The following NSMCE2 variants were observed in gnomAD, a reference collection of about 807,000 sequenced individuals.
The protein encoded by NSMCE2 is E3 SUMO-protein ligase NSE2.
In NSMCE2, 24 loss-of-function variants were observed where a neutral mutation model predicts 23.8. The observed-to-expected ratio is 1.01, with a 90% CI of 0.73 to 1.42. The LOEUF is 1.42. Ranked by LOEUF, NSMCE2 falls within the 40% of genes most tolerant of loss-of-function variation. The pLI is 0.00. For synonymous variants in NSMCE2, 92 were observed against 94.1 expected, an observed-to-expected ratio of 0.98 and a Z score of 0.13; for missense variants, 284 against 296.5, an observed-to-expected ratio of 0.96 and a Z score of 0.31.
intron 5 of NSMCE2, among the ~76,000 whole-genome samples, chr8:125,286,218 C>T (rs955359951): frequency 2.6e-5 from 4 of 152,276 alleles, no homozygotes; most frequent in Non-Finnish European, 4.4e-5. Context: ...GTTGATATGT[C>T]TTTACAGAGA....
chr8:125,273,537 G>T (rs148332962), intron 5 of NSMCE2, among the ~76,000 whole-genome samples: 11 of 152,108 alleles, frequency 7.2e-5, no homozygotes, highest in African/African-American at 2.7e-4. Flanking sequence ...TTCCTACAGC[G>T]TCCTAAATTT....
intron 5 of NSMCE2, among the ~76,000 whole-genome samples, chr8:125,225,853 C>T (rs918004614): frequency 2.0e-5 from 3 of 152,100 alleles, no homozygotes; most frequent in East Asian, 1.9e-4. Flanking sequence ...TAAAATAACA[C>T]GCTTTAACTG....
chr8:125,108,882 AT>A (rs2059806032), intron 3 of NSMCE2, among the ~76,000 whole-genome samples: 1 of 152,210 alleles, frequency 6.6e-6, no homozygotes, highest in Admixed American at 6.5e-5. Flanking sequence ...TTAAGTGAAC[AT>A]TGATGGCCTA....
chr8:125,310,996 T>C (rs540411892), intron 5 of NSMCE2, among the ~76,000 whole-genome samples: 1 of 152,364 alleles, frequency 6.6e-6, no homozygotes, highest in Admixed American at 6.5e-5. Context: ...ACTTTTAATA[T>C]GTTAGATAAT....
At chr8:125,154,524 A>G (rs1287257982) in intron 4 of NSMCE2, among the ~76,000 whole-genome samples, 1 of 151,948 alleles carries the variant, frequency 6.6e-6, no homozygotes, top group Non-Finnish European at 1.5e-5. Context: ...AAAAAAAAAA[A>G]AAAAAGGACT....
intron 3 of NSMCE2, among the ~76,000 whole-genome samples, chr8:125,110,412 G>T (rs1818673713): frequency 1.3e-5 from 2 of 152,192 alleles, no homozygotes; most frequent in African/African-American, 2.4e-5. Flanking sequence ...TTGGGTATTT[G>T]TTGAGCTATG....
At chr8:125,353,117 T>A (rs1018118967) in intron 5 of NSMCE2, among the ~76,000 whole-genome samples, 4 of 152,192 alleles carry the variant, frequency 2.6e-5, no homozygotes, top group African/African-American at 9.7e-5. Flanking sequence ...TTTTGAAATT[T>A]AAAAATAGGA....
intron 1 of NSMCE2, among the ~76,000 whole-genome samples, chr8:125,095,464 C>T (rs138928929): frequency 8.4e-4 from 127 of 151,914 alleles, no homozygotes; most frequent in African/African-American, 2.6e-3. Flanking sequence ...AGTGGTGGCG[C>T]GCGCCTGTGG....
intron 5 of NSMCE2, among the ~76,000 whole-genome samples, chr8:125,209,359 T>G (rs1824239441): frequency 6.6e-6 from 1 of 152,210 alleles, no homozygotes; most frequent in Admixed American, 6.5e-5. Flanking sequence ...TGGCTTTATT[T>G]AGGGACTAAA....
At chr8:125,155,470 A>C (rs987790943) in intron 4 of NSMCE2, among the ~76,000 whole-genome samples, 43 of 152,214 alleles carry the variant, frequency 2.8e-4, no homozygotes, top group Non-Finnish European at 4.3e-4. Flanking sequence ...AGAATAGTTG[A>C]GTAACCTAAG....
intron 5 of NSMCE2, among the ~76,000 whole-genome samples, chr8:125,184,731 T>C (rs1272807958): frequency 3.9e-5 from 6 of 152,130 alleles, no homozygotes; most frequent in Admixed American, 1.3e-4. Flanking sequence ...ACTTGTACCA[T>C]GTCTAGTGGA....
intron 5 of NSMCE2, among the ~76,000 whole-genome samples, chr8:125,341,597 A>C (rs951600081): frequency 6.6e-6 from 1 of 151,870 alleles, no homozygotes; most frequent in Admixed American, 6.6e-5. Context: ...TCCTCTAATG[A>C]GGGCAAAACA....
intron 5 of NSMCE2, among the ~76,000 whole-genome samples, chr8:125,336,274 T>C (rs1830061235): frequency 6.6e-6 from 1 of 152,202 alleles, no homozygotes; most frequent in Non-Finnish European, 1.5e-5. Context: ...ATTACTCAAT[T>C]AAATTCAATT....
intron 5 of NSMCE2, among the ~76,000 whole-genome samples, chr8:125,313,483 C>G (rs1829057551): frequency 6.6e-6 from 1 of 152,118 alleles, no homozygotes; most frequent in South Asian, 2.1e-4. Context: ...AAATCTCAAC[C>G]AGCTGTAAGC....
intron 5 of NSMCE2, among the ~76,000 whole-genome samples, chr8:125,279,324 A>T (rs1017145164): frequency 6.6e-6 from 1 of 152,346 alleles, no homozygotes; most frequent in East Asian, 1.9e-4. Context: ...TAGCATGAAC[A>T]TTACATTTTC....
At chr8:125,308,216 C>T (rs2131221169) in intron 5 of NSMCE2, among the ~76,000 whole-genome samples, 1 of 152,280 alleles carries the variant, frequency 6.6e-6, no homozygotes, top group East Asian at 1.9e-4. Flanking sequence ...ATTCTCATTA[C>T]ACTCCTTGAC....
At chr8:125,243,963 A>G (rs550507516) in intron 5 of NSMCE2, among the ~76,000 whole-genome samples, 4 of 152,350 alleles carry the variant, frequency 2.6e-5, no homozygotes, top group African/African-American at 9.6e-5. Context: ...AAATTTATAA[A>G]GACATTCTGG....
At chr8:125,334,445 A>G (rs557300603) in intron 5 of NSMCE2, among the ~76,000 whole-genome samples, 1 of 152,198 alleles carries the variant, frequency 6.6e-6, no homozygotes, top group African/African-American at 2.4e-5. Flanking sequence ...CAGAGAGCCT[A>G]GAAGGAGCAT....
chr8:125,282,663 A>G (rs1428900814), intron 5 of NSMCE2, among the ~76,000 whole-genome samples: 1 of 152,220 alleles, frequency 6.6e-6, no homozygotes, highest in Non-Finnish European at 1.5e-5. Flanking sequence ...GGTAATTTCC[A>G]CTGAGTTCAA....
Sources: gnomAD v4.1 joint callset for allele counts (sites outside exome capture counted in the v4.1 genomes callset) on GRCh38, gnomAD v4.1.1 for gene constraint, MANE v1.5 for transcripts, NCBI Gene and HGNC (gene_info 2026-07-23, HGNC 2026-07-21) for gene names.